SLC39A9: variants seen among roughly 807,000 people sequenced by gnomAD.
SLC39A9 encodes solute carrier family 39 member 9.
In SLC39A9, 14 loss-of-function variants were observed where a neutral mutation model predicts 28.4. That is an observed-to-expected ratio of 0.49 (90% CI 0.33 to 0.77). The LOEUF (loss-of-function observed/expected upper bound fraction) is 0.77, where lower values mean the gene tolerates loss of function less well. Among genes scored for constraint, SLC39A9 ranks in the 30% least tolerant of loss-of-function variants. SLC39A9 has a pLI of 0.02. For missense variants in SLC39A9, 283 were observed against 381.1 expected (o/e 0.74, Z 2.14); for synonymous variants, 119 against 149.6 (o/e 0.80, Z 1.49).
chr14:69,425,459 A>T (rs1029032286), intron 2 of SLC39A9, among the ~76,000 whole-genome samples: 1 of 152,196 alleles, frequency 6.6e-6, no homozygotes, highest in South Asian at 2.1e-4. Flanking sequence ...GGCACATTTT[A>T]AAAGTATGAT....
At position 69,407,275 on chromosome 14, in the gene SLC39A9, T is replaced by C. The variant is rs192406889; in HGVS notation, c.96+7810T>C. Among the ~76,000 whole-genome samples, 153 of 151,670 alleles carry C rather than the reference T, an allele frequency of 1.0e-3. No homozygotes were observed. The Middle Eastern group carries it at 0.017, about 17-fold the overall frequency. On this transcript the variant is annotated intron_variant, in intron 1 of 6. Coordinates refer to ENST00000336643, the MANE Select transcript of SLC39A9 (RefSeq NM_018375.5). ...CTGACGTTAATTTCCTTCCTTCCTT[T>C]CTTTCCTTTCCTTCCTTCCCTTCCT...
rs184099351 is a variant in SLC39A9 at position 69,414,137 on chromosome 14, G to A, written c.97-9957G>A. 2.0e-3 allele frequency among the ~76,000 whole-genome samples: 301 copies of A among 148,804 alleles called. 1 individual carries two copies. The highest frequency in any genetic ancestry group is 7.2e-3 in the African/African-American group (289 of 40,244). ...ACAGTCTCAGCTCACTGCAACCTCCGCCTCCTAGGTTCAAGCGATTCTCTC... is the reference window on the plus strand; with the variant it reads ...ACAGTCTCAGCTCACTGCAACCTCCACCTCCTAGGTTCAAGCGATTCTCTC... On this transcript the variant is annotated intron_variant, in intron 1 of 6. Coordinates refer to ENST00000336643, the MANE Select transcript of SLC39A9 (RefSeq NM_018375.5).
At chr14:69,425,896 C>T (rs1884162240) in intron 2 of SLC39A9, among the ~76,000 whole-genome samples, 1 of 152,062 alleles carries the variant, frequency 6.6e-6, no homozygotes, top group East Asian at 1.9e-4. Context: ...AATTCCGGGA[C>T]TCAAGCGATC....
intron 2 of SLC39A9, among the ~76,000 whole-genome samples, chr14:69,440,325 T>G (rs1407489368): frequency 6.6e-6 from 1 of 152,046 alleles, no homozygotes; most frequent in Non-Finnish European, 1.5e-5. Context: ...GGCTCAAGCC[T>G]GTAACCCCAG....
chr14:69,444,786 G>T (rs1215939722), intron 3 of SLC39A9, among the ~76,000 whole-genome samples: 3 of 152,102 alleles, frequency 2.0e-5, no homozygotes, highest in Admixed American at 2.0e-4. Flanking sequence ...ACACATAATG[G>T]AGTACTATGT....
At chr14:69,407,284 T>TCCTTCCTTC (rs749213364) in intron 1 of SLC39A9, among the ~76,000 whole-genome samples, 6 of 144,178 alleles carry the variant, frequency 4.2e-5, no homozygotes, top group East Asian at 1.9e-4. Context: ...TTCTTTCCTT[T>TCCTTCCTTC]CCTTCCTTCC....
intron 2 of SLC39A9, among the ~76,000 whole-genome samples, chr14:69,434,902 G>A (rs1026185706): frequency 4.6e-5 from 7 of 152,226 alleles, no homozygotes; most frequent in South Asian, 2.1e-4. Context: ...TTTTGCCCCC[G>A]ATTCTTTCTG....
At chr14:69,441,982 G>A (rs1347175661) in intron 2 of SLC39A9, 87 bp from the exon 3 acceptor site, 28 of 1,511,094 alleles carry the variant, frequency 1.9e-5, no homozygotes, top group Non-Finnish European at 2.3e-5. Flanking sequence ...AGTAAGTAGA[G>A]CTTGAAATAC....
intron 6 of SLC39A9, among the ~76,000 whole-genome samples, chr14:69,456,442 G>A (rs1407283146): frequency 2.0e-5 from 3 of 152,116 alleles, no homozygotes; most frequent in South Asian, 4.1e-4. Flanking sequence ...CTTCCTTAAC[G>A]GGAACTTAGC....
At chr14:69,438,955 G>T (rs1333932251) in intron 2 of SLC39A9, among the ~76,000 whole-genome samples, 1 of 152,164 alleles carries the variant, frequency 6.6e-6, no homozygotes, top group Non-Finnish European at 1.5e-5. Flanking sequence ...AGACAAAAAA[G>T]ATAGAAGGCA....
intron 2 of SLC39A9, among the ~76,000 whole-genome samples, chr14:69,434,550 C>CA (rs1382323910): frequency 6.6e-6 from 1 of 151,956 alleles, no homozygotes; most frequent in Non-Finnish European, 1.5e-5. Flanking sequence ...TAGGTGGGCG[C>CA]AGTGACTACA....
intron 1 of SLC39A9, among the ~76,000 whole-genome samples, chr14:69,421,838 C>A (rs1883915727): frequency 6.6e-6 from 1 of 152,122 alleles, no homozygotes; most frequent in South Asian, 2.1e-4. Context: ...TCCTGGTGTG[C>A]CGTTTGTTAA....
At chr14:69,407,766 G>A (rs1883023149) in intron 1 of SLC39A9, among the ~76,000 whole-genome samples, 1 of 151,836 alleles carries the variant, frequency 6.6e-6, no homozygotes, top group South Asian at 2.1e-4. Flanking sequence ...AGCCTCCCAA[G>A]TAGCTGGGAT....
At chr14:69,408,749 AGGGGT>A in intron 1 of SLC39A9, among the ~76,000 whole-genome samples, 1 of 152,292 alleles carries the variant, frequency 6.6e-6, no homozygotes, top group Non-Finnish European at 1.5e-5. Flanking sequence ...TGAATGTAGA[AGGGGT>A]GGGCAAGCAA....
intron 2 of SLC39A9, among the ~76,000 whole-genome samples, chr14:69,424,758 A>G (rs1269864808): frequency 6.6e-6 from 1 of 152,084 alleles, no homozygotes; most frequent in Non-Finnish European, 1.5e-5. Context: ...ACAGCTGAAA[A>G]GCATACTTGA....
At chr14:69,442,296 G>A (rs1006004158) in intron 3 of SLC39A9, 30 bp downstream of exon 3, 7 of 1,593,854 alleles carry the variant, frequency 4.4e-6, no homozygotes, top group Admixed American at 1.7e-5. Context: ...TCTGGGCAGT[G>A]CAATACATTT....
rs548314509 is a variant in SLC39A9 at position 69,460,670 on chromosome 14, A to C, written c.*2077A>C. On this transcript the variant is annotated 3_prime_UTR_variant, in exon 7 of 7. Transcript: ENST00000336643. ...CATCATGCTTAAAAGTTTGGCTAGTATATCTTGCTGGATGGAGCCTTGAAC... is the reference window on the plus strand; with the variant it reads ...CATCATGCTTAAAAGTTTGGCTAGTCTATCTTGCTGGATGGAGCCTTGAAC... The C allele has an allele frequency of 1.0e-6, 1 of 985,464 alleles. No homozygotes were observed. Among genetic ancestry groups the C allele is most frequent in the Admixed American group, 6.1e-5 (1 of 16,292 alleles). 61.0% of individuals were successfully genotyped at this position (985,464 alleles called of 1,614,324 possible).
At chr14:69,411,892 C>T (rs182485854) in intron 1 of SLC39A9, among the ~76,000 whole-genome samples, 5 of 150,928 alleles carry the variant, frequency 3.3e-5, no homozygotes, top group Admixed American at 6.6e-5. Context: ...AAGCGATTCT[C>T]CTGCCTCAGC....
intron 4 of SLC39A9, among the ~76,000 whole-genome samples, chr14:69,454,009 C>T (rs1488636799): frequency 6.6e-6 from 1 of 152,188 alleles, no homozygotes; most frequent in Non-Finnish European, 1.5e-5. Context: ...AGTTTATATG[C>T]AAAACACCAG....
Sources: gnomAD v4.1 joint callset for allele counts (sites outside exome capture counted in the v4.1 genomes callset) on GRCh38, gnomAD v4.1.1 for gene constraint, MANE v1.5 for transcripts, NCBI Gene and HGNC (gene_info 2026-07-23, HGNC 2026-07-21) for gene names.